Variants in BAZ1A observed in about 807,000 individuals in gnomAD.
BAZ1A encodes the protein bromodomain adjacent to zinc finger domain 1A.
BAZ1A carries 50 observed loss-of-function variants against 185.2 expected under a neutral mutation model. The observed-to-expected ratio is 0.27, with a 90% confidence interval of 0.22 to 0.34. BAZ1A has a LOEUF of 0.34. BAZ1A is among the 10% of genes least tolerant of loss of function. The pLI is 1.00. For missense variants in BAZ1A, 1,356 were observed against 1,839.9 expected, an observed-to-expected ratio of 0.74 and a Z score of 4.81; for synonymous variants, 571 against 615.6, an observed-to-expected ratio of 0.93 and a Z score of 1.07.
chr14:34,776,436 A>T lies in BAZ1A; in HGVS notation c.2316T>A (p.Ala772=). 1 of 1,613,968 alleles carries T rather than the reference A, an allele frequency of 6.2e-7. No individual in the cohort carries two copies. Residue 772 remains alanine (A), a synonymous_variant, in exon 18 of 27, where the codon GCT becomes GCA. Coordinates refer to ENST00000360310, the MANE Select transcript of BAZ1A (RefSeq NM_013448.3). The part of the protein sequence containing the change: ...INCVTREPLT[A]DEEEALKQEH... ...CCTGTTTTAATGCTTCTTCCTCATC[A>T]GCAGTAAGAGGCTCTCTTGTTACAC... is the stretch of plus-strand genomic sequence containing the variant.
chr14:34,821,512 T>G (rs2042088864), intron 4 of BAZ1A, among the ~76,000 whole-genome samples: 1 of 152,228 alleles, frequency 6.6e-6, no homozygotes, highest in African/African-American at 2.4e-5. Context: ...ATTAGAGAAC[T>G]TTTAAAAATT....
At chr14:34,756,753 C>G (rs890015091) in intron 25 of BAZ1A, among the ~76,000 whole-genome samples, 1 of 152,070 alleles carries the variant, frequency 6.6e-6, no homozygotes, top group Non-Finnish European at 1.5e-5. Flanking sequence ...GTGTGAGCCA[C>G]TACGCCTGGC....
chr14:34,772,844 G>A (rs778330415), intron 20 of BAZ1A, among the ~76,000 whole-genome samples: 1 of 152,096 alleles, frequency 6.6e-6, no homozygotes, highest in Non-Finnish European at 1.5e-5. Context: ...CCTGGCCAAC[G>A]TGGCGAAACC....
chr14:34,781,939 A>T (rs1880066337), intron 16 of BAZ1A, among the ~76,000 whole-genome samples: 1 of 152,240 alleles, frequency 6.6e-6, no homozygotes, highest in Admixed American at 6.5e-5. Context: ...TCCATTCATC[A>T]ATTGATGGAC....
chr14:34,872,144 C>T (rs1315795922), intron 2 of BAZ1A, among the ~76,000 whole-genome samples: 1 of 152,152 alleles, frequency 6.6e-6, no homozygotes, highest in Non-Finnish European at 1.5e-5. Context: ...TGGTCAAATA[C>T]CTTTGCTCCC....
In BAZ1A at chr14:34,780,161, T is replaced by C. The variant is rs781084874; in HGVS notation, c.2236+25A>G. ...TTGGTTAAAAACAAATACACAAGAA[T>C]GCCCTAAAGAAATTTCAGTATTACC... On this transcript the variant is annotated intron_variant, in intron 17 of 26. Transcript: ENST00000360310. The C allele has an allele frequency of 4.3e-6, 7 of 1,611,070 alleles. No individual in the cohort carries two copies. The African/African-American group carries it at 6.7e-5, about 15-fold the overall frequency.
At chr14:34,797,452 G>A (rs149441765) in intron 9 of BAZ1A, among the ~76,000 whole-genome samples, 1,809 of 152,084 alleles carry the variant, frequency 0.012, 39 homozygotes, top group African/African-American at 0.04. Flanking sequence ...CCAGCCACTC[G>A]GGAGGCTGAG....
chr14:34,844,185 G>A (rs1334461718), intron 3 of BAZ1A, among the ~76,000 whole-genome samples: 4 of 130,458 alleles, frequency 3.1e-5, no homozygotes, highest in African/African-American at 9.1e-5. Context: ...CAGCCTGGGC[G>A]ACAGAGCGAG....
intron 3 of BAZ1A, among the ~76,000 whole-genome samples, chr14:34,852,417 A>C (rs1396009479): frequency 1.3e-5 from 2 of 151,998 alleles, no homozygotes; most frequent in Non-Finnish European, 2.9e-5. Context: ...CCAGGAGTTC[A>C]AGACCAGCCT....
chr14:34,774,295 T>G (rs1011112360), intron 19 of BAZ1A, 32 bp downstream of exon 19: 16 of 1,583,054 alleles, frequency 1.0e-5, no homozygotes, highest in Non-Finnish European at 1.3e-5. Context: ...CCAAGTAGAT[T>G]AGACAAACTA....
chr14:34,811,966 G>C (rs1044612406), intron 4 of BAZ1A, among the ~76,000 whole-genome samples: 1 of 152,074 alleles, frequency 6.6e-6, no homozygotes, highest in Non-Finnish European at 1.5e-5. Context: ...TCTTCCCTTT[G>C]AGGGTATTTA....
intron 3 of BAZ1A, among the ~76,000 whole-genome samples, chr14:34,834,695 T>C (rs1398142769): frequency 6.6e-6 from 1 of 152,194 alleles, no homozygotes; most frequent in Non-Finnish European, 1.5e-5. Context: ...AAACTTATGT[T>C]ACTCAAGATG....
At chr14:34,793,037 A>G (rs2138635100) in intron 11 of BAZ1A, 116 bp from the exon 12 acceptor site, 1 of 920,258 alleles carries the variant, frequency 1.1e-6, no homozygotes, top group Admixed American at 3.4e-5. Flanking sequence ...CTTAAGCATC[A>G]ATTTATGAAA....
chr14:34,837,910 T>C (rs1053666238), intron 3 of BAZ1A, among the ~76,000 whole-genome samples: 1 of 152,182 alleles, frequency 6.6e-6, no homozygotes, highest in African/African-American at 2.4e-5. Context: ...ACCACAGATT[T>C]GACAAGTGAT....
intron 19 of BAZ1A, 117 bp from the exon 20 acceptor site, chr14:34,773,843 T>A: frequency 9.2e-7 from 1 of 1,091,774 alleles, no homozygotes; most frequent in Non-Finnish European, 1.3e-6. Flanking sequence ...TGATTATGAA[T>A]CAAAAAGGTA....
intron 2 of BAZ1A, among the ~76,000 whole-genome samples, chr14:34,864,543 C>T (rs2042823234): frequency 6.6e-6 from 1 of 151,818 alleles, no homozygotes; most frequent in Non-Finnish European, 1.5e-5. Flanking sequence ...TGCAGTGGTG[C>T]GATCTCAGCT....
At chr14:34,860,040 T>C (rs2042743238) in intron 3 of BAZ1A, among the ~76,000 whole-genome samples, 1 of 152,252 alleles carries the variant, frequency 6.6e-6, no homozygotes, top group Admixed American at 6.5e-5. Context: ...AATAAAGTAC[T>C]GTTCTCTTGT....
chr14:34,862,784 T>TAA (rs35545761), intron 2 of BAZ1A, among the ~76,000 whole-genome samples: 9,395 of 140,306 alleles, frequency 0.067, 400 homozygotes, highest in Non-Finnish European at 0.1. Flanking sequence ...ATTTGTGTTA[T>TAA]AAAAAAAAAA....
At position 34,765,240 on chromosome 14, in the gene BAZ1A, T is replaced by A. The variant is rs749273209; in HGVS notation, c.3330A>T (p.Lys1110Asn). 1 of 1,614,006 alleles carries A rather than the reference T, an allele frequency of 6.2e-7. No individual in the cohort carries two copies. Among genetic ancestry groups the A allele is most frequent in the South Asian group, 1.1e-5 (1 of 91,040 alleles). ...LDASDSGRSY[K>N]TVLDRWRESL... ...ACTCTCTCCAACGGTCCAGAACTGT[T>A]TTATAAGAACGCCCACTGTCACTGG... The change falls in exon 22 of 27, where the codon AAA becomes AAT. Residue 1110 changes from lysine (K) to asparagine (N), a missense_variant. Physicochemically the swap from Lys to Asn is moderately conservative, Grantham distance 94 (BLOSUM62 0). Coordinates refer to ENST00000360310, the MANE Select transcript of BAZ1A (RefSeq NM_013448.3).
Sources: allele counts gnomAD v4.1 joint callset (sites outside exome capture counted in the v4.1 genomes callset), GRCh38; gene constraint gnomAD v4.1.1; transcripts MANE v1.5; gene names NCBI Gene and HGNC (gene_info 2026-07-23, HGNC 2026-07-21).